TTN: variants seen among roughly 807,000 people sequenced by gnomAD.
TTN encodes connectin.
TTN carries 1,525 observed loss-of-function variants against 3,223.0 expected under a neutral mutation model. The ratio of observed to expected loss-of-function variants is 0.47; its 90% CI spans 0.45 to 0.49. The LOEUF (loss-of-function observed/expected upper bound fraction) is 0.49, where lower values mean the gene tolerates loss of function less well. TTN is among the 20% of genes least tolerant of loss of function. The pLI, the probability that TTN is intolerant of heterozygous loss-of-function variation, is 0.00. For synonymous variants in TTN, 14,094 were observed against 15,161.0 expected (o/e 0.93, Z 5.17); for missense variants, 40,786 against 43,424.0 (o/e 0.94, Z 5.40).
Position 178,652,859 on chromosome 2 carries a change from G to C in TTN, c.38948C>G (p.Pro12983Arg), listed in dbSNP as rs2063325755. The C allele has an allele frequency of 6.2e-7, 1 of 1,611,464 alleles. No individual in the cohort carries two copies. Among genetic ancestry groups the C allele is most frequent in the Admixed American group, 1.7e-5 (1 of 59,612 alleles). Residue 12983 changes from proline to arginine, a missense_variant, in exon 200 of 363, where the codon CCT (proline) becomes CGT (arginine). Transcript: ENST00000589042. Reference protein sequence around the residue: ...PLAPPKKPEVPPVKVPEAPKE... With the variant: ...PLAPPKKPEVRPVKVPEAPKE... Reference sequence around the variant, plus strand: ...CCAGTGACAAATACCTTTAACAGGAGGGACTTCAGGCTTTTTAGGAGGAGC... The same window carrying C: ...CCAGTGACAAATACCTTTAACAGGACGGACTTCAGGCTTTTTAGGAGGAGC...
intron 109 of TTN, 145 bp downstream of exon 109, chr2:178,701,895 G>T: frequency 2.3e-6 from 2 of 869,806 alleles, no homozygotes; most frequent in Non-Finnish European, 1.8e-6. Flanking sequence ...TTGACTGAAA[G>T]TAATTCTACT....
intron 149 of TTN, 24 bp downstream of exon 149, chr2:178,675,647 T>C (rs2154267226): frequency 1.4e-6 from 2 of 1,388,586 alleles, no homozygotes; most frequent in East Asian, 2.6e-5. Flanking sequence ...GCAGCAAACA[T>C]ATCCCTGTTA....
Position 178,725,429 on chromosome 2 carries a change from A to G in TTN, c.20775T>C (p.Tyr6925=), listed in dbSNP as rs377182436. The change falls in exon 71 of 363, where the codon TAT becomes TAC. Residue 6925 remains tyrosine (Y), a synonymous_variant. Coordinates refer to ENST00000589042, the MANE Select transcript of TTN (RefSeq NM_001267550.2). ...CACCATCATTCTTGATTTGGCAGAT[A>G]TACTTTCCAGCATTAGCTGGCTCTG... ...AKAEPANAGK[Y]ICQIKNDGGM... is the part of the protein sequence containing the mutation. 1 of 1,611,606 alleles carries G rather than the reference A, an allele frequency of 6.2e-7. No individual in the cohort carries two copies. Among genetic ancestry groups the G allele is most frequent in the Non-Finnish European group, 8.5e-7 (1 of 1,178,648 alleles).
rs774697577 is a variant in TTN, at chr2:178,672,657, T to G, written c.34833A>C (p.Lys11611Asn). Residue 11611 changes from lysine to asparagine, a missense_variant, in exon 153 of 363, where the codon AAA (lysine) becomes AAC (asparagine). By Grantham distance (94) the Lys-to-Asn change is moderately conservative. Coordinates refer to ENST00000589042, the MANE Select transcript of TTN (RefSeq NM_001267550.2). ...TACCTTTGGCTGGGGGTGCCTCTTT[T>G]TTCTGAACAGGAACAGGTACTTTTT... ...PEEKVPVPVQ[K>N]KEAPPAKVPE... 9 of 1,610,844 alleles carry G rather than the reference T, an allele frequency of 5.6e-6. No individual in the cohort carries two copies. The highest frequency in any genetic ancestry group is 7.6e-6 in the Non-Finnish European group (9 of 1,178,070).
At position 178,533,831 on chromosome 2, in the gene TTN, G is replaced by C; in HGVS notation, c.102784C>G (p.Leu34262Val). 1 of 1,613,930 alleles carries C rather than the reference G, an allele frequency of 6.2e-7. No homozygotes were observed. Among genetic ancestry groups the C allele is most frequent in the Non-Finnish European group, 8.5e-7 (1 of 1,179,860 alleles). The change falls in exon 358 of 363, where the codon CTG becomes GTG. Residue 34262 changes from leucine (L) to valine (V), a missense_variant. By Grantham distance (32) the Leu-to-Val change is conservative (BLOSUM62 1). Transcript: ENST00000589042. ...TAAGCTGTCTTATTATAGAGAGGCA[G>C]GGTAAATTCTGGTGGCCTTTCCAGG... is the stretch of plus-strand genomic sequence containing the variant. The part of the protein sequence containing the change: ...RLLERPPEFT[L>V]PLYNKTAYVG...
rs373955856 is a variant in TTN at position 178,751,015 on chromosome 2, A to G, written c.11311+2109T>C. On this transcript the variant is annotated intron_variant, in intron 47 of 362. Coordinates refer to ENST00000589042, the MANE Select transcript of TTN (RefSeq NM_001267550.2). The stretch of plus-strand genomic sequence containing the variant: ...TCTGGAAAATTTCTTCATCAACAAT[A>G]GTTTGAAAGCTTGTGGGAAGTTCCT... 39 of 1,612,418 alleles carry G rather than the reference A, an allele frequency of 2.4e-5. 1 individual carries two copies. In the Middle Eastern group the frequency reaches 6.6e-4, roughly 27 times the overall value.
chr2:178,791,707 A>G (rs182095276), intron 10 of TTN, among the ~76,000 whole-genome samples: 105 of 135,580 alleles, frequency 7.7e-4, no homozygotes, highest in Non-Finnish European at 1.5e-3. Flanking sequence ...GTGTGCATGT[A>G]AAGTTTGTGC....
At position 178,769,663 on chromosome 2, in the gene TTN, ATATT is replaced by A; in HGVS notation, c.8902+12_8902+15del. ...TATATATATGTGTATATATATATAT[ATATT>A]TTTTAACTTACGGGTGACTGTCAGG... On this transcript the variant is annotated intron_variant, in intron 37 of 362. Transcript: ENST00000589042. The A allele has an allele frequency of 8.6e-7, 1 of 1,164,172 alleles. No individual in the cohort carries two copies. The highest frequency in any genetic ancestry group is 1.1e-6 in the Non-Finnish European group (1 of 879,766). 72.1% of individuals were successfully genotyped at this position (1,164,172 alleles called of 1,614,324 possible). A position where few individuals can be genotyped will look rare whatever the true frequency, so the allele number is the denominator to read the frequency against.
At chr2:178,596,494 C>G (rs4894030) in intron 294 of TTN, among the ~76,000 whole-genome samples, 1 of 151,920 alleles carries the variant, frequency 6.6e-6, no homozygotes, top group South Asian at 2.1e-4. Context: ...GCAGGGGAAA[C>G]GGAGAGAGAG....
Position 178,740,126 on chromosome 2 carries a change from C to T in TTN, c.13107G>A (p.Val4369=), listed in dbSNP as rs1241658108. The T allele has an allele frequency of 5.0e-6, 8 of 1,613,860 alleles. No individual in the cohort carries two copies. The highest frequency in any genetic ancestry group is 6.8e-6 in the Non-Finnish European group (8 of 1,179,830). Residue 4369 remains valine, a synonymous_variant, in exon 48 of 363, where the codon GTG becomes GTA. Coordinates refer to ENST00000589042, the MANE Select transcript of TTN (RefSeq NM_001267550.2). ...SKREPVAIKK[V]QEVQGRDLLS... Reference sequence around the variant, plus strand: ...GAAGGTCCCTTCCCTGTACCTCCTGCACTTTCTTTATTGCCACGGGCTCTC... The same window carrying T: ...GAAGGTCCCTTCCCTGTACCTCCTGTACTTTCTTTATTGCCACGGGCTCTC...
At chr2:178,690,787 G>A (rs1003091031) in intron 121 of TTN, among the ~76,000 whole-genome samples, 2 of 152,002 alleles carry the variant, frequency 1.3e-5, no homozygotes, top group Non-Finnish European at 2.9e-5. Flanking sequence ...TATACATGCA[G>A]TATTTATATA....
chr2:178,579,829 C>A lies in TTN; in HGVS notation c.67368G>T (p.Val22456=), dbSNP rs1245178885. 6.2e-7 allele frequency: 1 copy of A among 1,613,190 alleles called. No individual in the cohort carries two copies. The highest frequency in any genetic ancestry group is 1.7e-5 in the Admixed American group (1 of 59,964). ...VKASQTPGPV[V]DLKVRSVSKS... ...TAGATACAGACCTCACTTTCAGGTC[C>A]ACAACTGGTCCAGGAGTTTCTAAAG... The change falls in exon 319 of 363, where the codon GTG becomes GTT. Residue 22456 remains valine (V), a synonymous_variant. Transcript: ENST00000589042.
chr2:178,686,070 G>C (rs2070772947), intron 127 of TTN, among the ~76,000 whole-genome samples: 1 of 151,082 alleles, frequency 6.6e-6, no homozygotes, highest in Non-Finnish European at 1.5e-5. Flanking sequence ...AGAAGAGGCA[G>C]GAGGCTTCAC....
chr2:178,724,690 G>A (rs2154303802), intron 71 of TTN, 152 bp from the exon 72 acceptor site: 4 of 667,446 alleles, frequency 6.0e-6, no homozygotes, highest in Non-Finnish European at 8.5e-6. Context: ...ATTACATGCA[G>A]TCATAGAATT....
At position 178,567,348 on chromosome 2, in the gene TTN, C is replaced by T. The variant is rs794729290; in HGVS notation, c.78784G>A (p.Gly26262Arg). ...TTGGAAGCTCTTAAAATATACTGCCCACCATCAATTCTAATTGCATCTTTT... is the reference window on the plus strand; with the variant it reads ...TTGGAAGCTCTTAAAATATACTGCCTACCATCAATTCTAATTGCATCTTTT... The part of the protein sequence containing the change: ...IVKDAIRIDG[G>R]QYILRASNVA... Residue 26262 changes from glycine (G) to arginine (R), a missense_variant, in exon 326 of 363, where the codon GGG becomes AGG. Coordinates refer to ENST00000589042, the MANE Select transcript of TTN (RefSeq NM_001267550.2). The T allele has an allele frequency of 3.1e-6, 5 of 1,598,446 alleles. No homozygotes were observed. In the Admixed American group the frequency reaches 5.3e-5, roughly 17 times the overall value.
chr2:178,799,582 G>A lies in TTN; in HGVS notation c.819C>T (p.Ala273=). ...SRSPTPPSIA[A]KAQLARQQSP... ...ACTGCTGCCGAGCCAGCTGTGCTTT[G>A]GCAGCAATAGACGGTGGTGTTGGGG... Residue 273 remains alanine, a synonymous_variant, in exon 6 of 363, where the codon GCC becomes GCT. Coordinates refer to ENST00000589042, the MANE Select transcript of TTN (RefSeq NM_001267550.2). The A allele has an allele frequency of 6.2e-7, 1 of 1,614,192 alleles. No individual in the cohort carries two copies. The highest frequency in any genetic ancestry group is 1.1e-5 in the South Asian group (1 of 91,084).
At position 178,680,344 on chromosome 2, in the gene TTN, A is replaced by C; in HGVS notation, c.33341-13T>G. The C allele has an allele frequency of 6.2e-7, 1 of 1,602,974 alleles. No homozygotes were observed. Among genetic ancestry groups the C allele is most frequent in the Non-Finnish European group, 8.5e-7 (1 of 1,176,894 alleles). On this transcript the variant is annotated splice_polypyrimidine_tract_variant and intron_variant, in intron 138 of 362. Coordinates refer to ENST00000589042, the MANE Select transcript of TTN (RefSeq NM_001267550.2). Reference sequence around the variant, plus strand: ...GGCTTCATGGGCACTTGAAATATGAAGTATAAGGAAATTTTATTGTCAGTA... The same window carrying C: ...GGCTTCATGGGCACTTGAAATATGACGTATAAGGAAATTTTATTGTCAGTA...
chr2:178,608,475 G>T lies in TTN; in HGVS notation c.52408C>A (p.Pro17470Thr). ...ATGGGCTTATCTGGTGCATCAGGTG[G>T]TCCTGATAAAAAAATAACATTTGAA... ...KPLVAKDPFG[P>T]PDAPDKPIVE... is the part of the protein sequence containing the mutation. The change falls in exon 275 of 363, where the codon CCA (proline) becomes ACA (threonine). Residue 17470 changes from proline to threonine, a missense_variant and splice_region_variant. Transcript: ENST00000589042. 6.3e-7 allele frequency: 1 copy of T among 1,578,024 alleles called. No individual in the cohort carries two copies.
In TTN at chr2:178,540,382, A is replaced by G; in HGVS notation, c.97796-12T>C. On this transcript the variant is annotated splice_polypyrimidine_tract_variant and intron_variant, in intron 350 of 362. Transcript: ENST00000589042. ...CTTTCCTGGAGGAGCTGAGAATAAG[A>G]ATAAGAATATACTGGTTAAAGTTGC... 6.2e-7 allele frequency: 1 copy of G among 1,604,688 alleles called. No homozygotes were observed. The highest frequency in any genetic ancestry group is 8.5e-7 in the Non-Finnish European group (1 of 1,174,902).
Sources: allele counts gnomAD v4.1 joint callset (sites outside exome capture counted in the v4.1 genomes callset), GRCh38; gene constraint gnomAD v4.1.1; transcripts MANE v1.5; gene names NCBI Gene and HGNC (gene_info 2026-07-23, HGNC 2026-07-21).